Variants in SYN3 observed in about 807,000 individuals in gnomAD.
SYN3 encodes the protein synapsin III.
Under a neutral mutation model 65.8 loss-of-function variants are expected in SYN3, and 35 were observed. The ratio of observed to expected loss-of-function variants is 0.53; its 90% CI spans 0.41 to 0.70. SYN3 has a LOEUF of 0.70. Among genes scored for constraint, SYN3 ranks in the 30% least tolerant of loss-of-function variants. The pLI is 0.00. For synonymous variants in SYN3, 270 were observed against 292.9 expected, an observed-to-expected ratio of 0.92 and a Z score of 0.80; for missense variants, 680 against 749.0, an observed-to-expected ratio of 0.91 and a Z score of 1.08.
At chr22:32,798,140 G>A (rs372281724) in intron 6 of SYN3, among the ~76,000 whole-genome samples, 107 of 152,268 alleles carry the variant, frequency 7.0e-4, no homozygotes, top group Non-Finnish European at 1.2e-3. Context: ...AGATAAACCT[G>A]TCAGGAGGAC....
At chr22:32,897,561 G>A (rs1362558349) in intron 4 of SYN3, among the ~76,000 whole-genome samples, 1 of 152,202 alleles carries the variant, frequency 6.6e-6, no homozygotes, top group Non-Finnish European at 1.5e-5. Flanking sequence ...AGAGGGTTAA[G>A]AACACAGGGT....
chr22:32,547,761 T>C (rs983590302), intron 7 of SYN3, among the ~76,000 whole-genome samples: 2 of 152,158 alleles, frequency 1.3e-5, no homozygotes, highest in Non-Finnish European at 2.9e-5. Context: ...AATTACAAAA[T>C]CCAACCCGGG....
At chr22:33,028,696 G>T (rs2053689959) in intron 1 of SYN3, among the ~76,000 whole-genome samples, 1 of 146,558 alleles carries the variant, frequency 6.8e-6, no homozygotes, top group Admixed American at 6.7e-5. Flanking sequence ...TGGTGATGGT[G>T]GTGGTGGTGG....
intron 7 of SYN3, chr22:32,583,826 A>G (rs1301468949): frequency 6.6e-6 from 1 of 152,156 alleles, no homozygotes; most frequent in Non-Finnish European, 1.5e-5. Context: ...CTAACCTTAG[A>G]ATCATAGGTT....
rs773101598 is a variant in SYN3 at position 32,626,105 on chromosome 22, G to A, written c.712-29369C>T. On this transcript the variant is annotated intron_variant, in intron 6 of 13. Transcript: ENST00000358763. Reference sequence around the variant, plus strand: ...GAAAGGAAATGGTTGGGGGTAGAGGGAGGAAAGGGTGTTCCCAGTAGGCAG... The same window carrying A: ...GAAAGGAAATGGTTGGGGGTAGAGGAAGGAAAGGGTGTTCCCAGTAGGCAG... Among the ~76,000 whole-genome samples the A allele has an allele frequency of 5.2e-4, 79 of 152,172 alleles. 1 individual carries two copies. The highest frequency in any genetic ancestry group is 5.3e-4 in the Non-Finnish European group (36 of 68,034).
intron 6 of SYN3, among the ~76,000 whole-genome samples, chr22:32,693,824 T>G (rs2060700405): frequency 6.6e-6 from 1 of 151,914 alleles, no homozygotes; most frequent in Non-Finnish European, 1.5e-5. Context: ...ACTCCTGACC[T>G]CAAGTAATCC....
intron 6 of SYN3, among the ~76,000 whole-genome samples, chr22:32,796,697 T>A (rs2145904334): frequency 1.3e-5 from 2 of 151,804 alleles, no homozygotes; most frequent in South Asian, 4.2e-4. Context: ...ACATGGACGG[T>A]GGGGCTTGGG....
At chr22:33,056,696 G>A (rs1333616389) in intron 1 of SYN3, among the ~76,000 whole-genome samples, 2 of 152,208 alleles carry the variant, frequency 1.3e-5, no homozygotes, top group African/African-American at 2.4e-5. Flanking sequence ...ACCATGACAG[G>A]TGAGTACAAT....
chr22:33,021,361 T>G (rs924851365), intron 1 of SYN3, among the ~76,000 whole-genome samples: 1 of 152,126 alleles, frequency 6.6e-6, no homozygotes, highest in Non-Finnish European at 1.5e-5. Context: ...GTTCTATGAG[T>G]TTTAGCACAT....
At chr22:33,043,652 C>T (rs73393630) in intron 1 of SYN3, among the ~76,000 whole-genome samples, 9,618 of 152,308 alleles carry the variant, frequency 0.063, 324 homozygotes, top group Middle Eastern at 0.092. Flanking sequence ...TACATTGGGC[C>T]AGTCATTCAT....
intron 4 of SYN3, 39 bp downstream of exon 4, chr22:32,931,351 C>T: frequency 7.2e-7 from 1 of 1,392,618 alleles, no homozygotes. Flanking sequence ...TCCACGTATG[C>T]AATTCTCAGA....
chr22:32,727,018 T>C (rs1650318247), intron 6 of SYN3, among the ~76,000 whole-genome samples: 1 of 152,114 alleles, frequency 6.6e-6, no homozygotes, highest in South Asian at 2.1e-4. Context: ...CAGGGATACA[T>C]GTGCAGGATA....
At chr22:33,035,753 T>C (rs2053848205) in intron 1 of SYN3, among the ~76,000 whole-genome samples, 3 of 152,122 alleles carry the variant, frequency 2.0e-5, no homozygotes, top group African/African-American at 7.2e-5. Flanking sequence ...TAATTTTTCA[T>C]TTTTTATTGT....
At chr22:32,793,012 A>G (rs5994630) in intron 6 of SYN3, among the ~76,000 whole-genome samples, 120 of 152,350 alleles carry the variant, frequency 7.9e-4, no homozygotes, top group African/African-American at 2.7e-3. Flanking sequence ...GCATAATACC[A>G]TAGTACCTAG....
intron 6 of SYN3, among the ~76,000 whole-genome samples, chr22:32,827,064 T>C (rs148576025): frequency 8.7e-4 from 132 of 152,326 alleles, no homozygotes; most frequent in Middle Eastern, 3.4e-3. Context: ...TTGCTGATCA[T>C]TGACCTCGCA....
intron 6 of SYN3, among the ~76,000 whole-genome samples, chr22:32,621,448 C>G (rs2059592591): frequency 6.6e-6 from 1 of 152,128 alleles, no homozygotes; most frequent in African/African-American, 2.4e-5. Context: ...CACTGAAAGA[C>G]TGGGGCTCTA....
intron 4 of SYN3, among the ~76,000 whole-genome samples, chr22:32,924,955 G>T (rs2050429879): frequency 6.6e-6 from 1 of 152,158 alleles, no homozygotes; most frequent in Admixed American, 6.5e-5. Context: ...AGGCAGGCAT[G>T]GTGGCATGTG....
At chr22:32,609,836 T>C (rs2059417870) in intron 6 of SYN3, among the ~76,000 whole-genome samples, 1 of 152,174 alleles carries the variant, frequency 6.6e-6, no homozygotes, top group Non-Finnish European at 1.5e-5. Context: ...CCTTTTAATG[T>C]AATTCAGTGA....
intron 6 of SYN3, among the ~76,000 whole-genome samples, chr22:32,648,952 C>T (rs1395012934): frequency 2.6e-5 from 4 of 152,098 alleles, no homozygotes; most frequent in East Asian, 3.9e-4. Context: ...CAAAGAGGCC[C>T]CTGGATGTGA....
Sources: allele counts gnomAD v4.1 joint callset (sites outside exome capture counted in the v4.1 genomes callset), GRCh38; gene constraint gnomAD v4.1.1; transcripts MANE v1.5; gene names NCBI Gene and HGNC (gene_info 2026-07-23, HGNC 2026-07-21).